SLC6A11: variants seen among roughly 807,000 people sequenced by gnomAD.
SLC6A11 encodes sodium- and chloride-dependent GABA transporter 3.
In SLC6A11, 25 loss-of-function variants were observed where a neutral mutation model predicts 74.8. That is an observed-to-expected ratio of 0.33 (90% CI 0.24 to 0.47). The LOEUF (loss-of-function observed/expected upper bound fraction) is 0.47, where lower values mean the gene tolerates loss of function less well. Among genes scored for constraint, SLC6A11 ranks in the 20% least tolerant of loss-of-function variants. The pLI is 1.00. For synonymous variants in SLC6A11, 330 were observed against 330.2 expected (o/e 1.00, Z 0.01); for missense variants, 574 against 837.0 (o/e 0.69, Z 3.88).
rs79494819 is a variant in SLC6A11 at position 10,864,016 on chromosome 3, A to G, written c.757-10945A>G. Among the ~76,000 whole-genome samples the G allele has an allele frequency of 9.6e-4, 146 of 152,206 alleles. 2 individuals are homozygous for G. In the East Asian group the frequency reaches 0.026, roughly 28 times the overall value. Reference sequence around the variant, plus strand: ...AATATTTTCTGTCTTCTAGAATTGGATAATGTAAGAATAAGGCACATCAAG... The same window carrying G: ...AATATTTTCTGTCTTCTAGAATTGGGTAATGTAAGAATAAGGCACATCAAG... On this transcript the variant is annotated intron_variant, in intron 5 of 13. Transcript: ENST00000254488.
At chr3:10,895,027 C>T (rs1241436580) in intron 6 of SLC6A11, among the ~76,000 whole-genome samples, 3 of 152,082 alleles carry the variant, frequency 2.0e-5, no homozygotes, top group African/African-American at 7.2e-5. Context: ...GAGTGATCCC[C>T]CAGGGCCTTG....
intron 5 of SLC6A11, among the ~76,000 whole-genome samples, chr3:10,873,976 C>T (rs906910778): frequency 5.1e-5 from 7 of 136,096 alleles, no homozygotes; most frequent in African/African-American, 1.0e-4. Flanking sequence ...TGCTATGCTA[C>T]GCTACGCTAC....
At chr3:10,875,478 C>A (rs1191457027) in intron 6 of SLC6A11, among the ~76,000 whole-genome samples, 2 of 152,166 alleles carry the variant, frequency 1.3e-5, no homozygotes, top group Non-Finnish European at 2.9e-5. Flanking sequence ...GACTGCAGTT[C>A]ATTGCCTGCA....
At chr3:10,818,213 C>G (rs750084033) in intron 1 of SLC6A11, among the ~76,000 whole-genome samples, 2 of 151,426 alleles carry the variant, frequency 1.3e-5, no homozygotes, top group Non-Finnish European at 2.9e-5. Flanking sequence ...GGGTTAGTAG[C>G]TTTGTGAATA....
chr3:10,911,170 C>A lies in SLC6A11; in HGVS notation c.892-920C>A, dbSNP rs76514440. Reference sequence around the variant, plus strand: ...CAGTAATGCATGAAGGGCAGTAATGCGTGCTGCCTGTACATTGAGAGGTCA... The same window carrying A: ...CAGTAATGCATGAAGGGCAGTAATGAGTGCTGCCTGTACATTGAGAGGTCA... On this transcript the variant is annotated intron_variant, in intron 6 of 13. Transcript: ENST00000254488. Among the ~76,000 whole-genome samples, 1,866 of 152,298 alleles carry A rather than the reference C, an allele frequency of 0.012. 82 individuals are homozygous for A. In the East Asian group the frequency reaches 0.16, roughly 13 times the overall value.
chr3:10,905,932 G>A (rs1695296496), intron 6 of SLC6A11, among the ~76,000 whole-genome samples: 1 of 152,194 alleles, frequency 6.6e-6, no homozygotes, highest in South Asian at 2.1e-4. Flanking sequence ...TCTGGAGTCA[G>A]GGAGATGTTA....
At chr3:10,925,879 A>C in intron 8 of SLC6A11, 125 bp from the exon 9 acceptor site, 1 of 660,132 alleles carries the variant, frequency 1.5e-6, no homozygotes, top group Non-Finnish European at 2.8e-6. Flanking sequence ...AACAGAAGTG[A>C]TTTGAGTGAG....
intron 6 of SLC6A11, among the ~76,000 whole-genome samples, chr3:10,906,748 T>C (rs1348980342): frequency 6.6e-6 from 1 of 152,094 alleles, no homozygotes; most frequent in Non-Finnish European, 1.5e-5. Flanking sequence ...ACAGAGACAC[T>C]AGAGGAAATG....
At chr3:10,833,691 ATC>A (rs1485568723) in intron 4 of SLC6A11, among the ~76,000 whole-genome samples, 7 of 152,100 alleles carry the variant, frequency 4.6e-5, no homozygotes, top group African/African-American at 1.4e-4. Flanking sequence ...TGTTGCTTAA[ATC>A]TCTCTGCAAT....
intron 6 of SLC6A11, among the ~76,000 whole-genome samples, chr3:10,883,235 GC>G (rs1490653062): frequency 5.3e-5 from 8 of 152,220 alleles, no homozygotes; most frequent in Non-Finnish European, 8.8e-5. Context: ...TTCACTGTCA[GC>G]CCCGTGTTCT....
chr3:10,879,365 T>C (rs1694947982), intron 6 of SLC6A11, among the ~76,000 whole-genome samples: 2 of 152,156 alleles, frequency 1.3e-5, no homozygotes, highest in South Asian at 4.1e-4. Context: ...TGGTGTGTTT[T>C]GGCAGCTGGG....
chr3:10,851,644 C>T (rs945436227), intron 5 of SLC6A11, among the ~76,000 whole-genome samples: 5 of 152,232 alleles, frequency 3.3e-5, no homozygotes, highest in Admixed American at 6.5e-5. Flanking sequence ...ATTCAGTGCT[C>T]ACAACAACCC....
At chr3:10,936,152 G>T (rs576340265) in intron 13 of SLC6A11, among the ~76,000 whole-genome samples, 1 of 152,328 alleles carries the variant, frequency 6.6e-6, no homozygotes, top group Non-Finnish European at 1.5e-5. Flanking sequence ...TTGTGTGCCA[G>T]AAGCTGTTCT....
chr3:10,872,468 C>A (rs1011010957), intron 5 of SLC6A11, among the ~76,000 whole-genome samples: 1 of 152,120 alleles, frequency 6.6e-6, no homozygotes, highest in Non-Finnish European at 1.5e-5. Context: ...TTGGAGAAGC[C>A]CTTCTGGACT....
At chr3:10,843,643 G>A (rs7617062) in intron 4 of SLC6A11, among the ~76,000 whole-genome samples, 48,942 of 152,038 alleles carry the variant, frequency 0.32, 8,123 homozygotes, top group South Asian at 0.51. Flanking sequence ...TGCTCAGACT[G>A]TGTCTCTGAC....
chr3:10,878,120 G>C (rs1479753612), intron 6 of SLC6A11, among the ~76,000 whole-genome samples: 1 of 152,116 alleles, frequency 6.6e-6, no homozygotes, highest in Non-Finnish European at 1.5e-5. Flanking sequence ...AATCCAATGG[G>C]CACCTCTTTT....
intron 4 of SLC6A11, among the ~76,000 whole-genome samples, chr3:10,837,977 C>T (rs953398426): frequency 2.0e-5 from 3 of 152,226 alleles, no homozygotes; most frequent in African/African-American, 7.2e-5. Flanking sequence ...GGTTTGTGTG[C>T]TTGTTGCTTT....
intron 8 of SLC6A11, 131 bp from the exon 9 acceptor site, chr3:10,925,871 CAG>C (rs1695597951): frequency 3.1e-6 from 2 of 652,786 alleles, no homozygotes; most frequent in African/African-American, 3.6e-5. Flanking sequence ...GGCTGGGAAA[CAG>C]AAGTGATTTG....
At chr3:10,899,189 C>T (rs543711671) in intron 6 of SLC6A11, among the ~76,000 whole-genome samples, 1 of 152,282 alleles carries the variant, frequency 6.6e-6, no homozygotes, top group Non-Finnish European at 1.5e-5. Flanking sequence ...CAAACCATAT[C>T]AATGCAGAAA....
Sources: allele counts gnomAD v4.1 joint callset (sites outside exome capture counted in the v4.1 genomes callset), GRCh38; gene constraint gnomAD v4.1.1; transcripts MANE v1.5; gene names NCBI Gene and HGNC (gene_info 2026-07-23, HGNC 2026-07-21).